The following YJU2B variants were observed in gnomAD, a reference collection of about 807,000 sequenced individuals.
The protein encoded by YJU2B is YJU2 splicing factor homolog B.
A neutral mutation model predicts 38.0 loss-of-function variants in YJU2B; 18 were observed. The observed-to-expected ratio is 0.47, with a 90% CI of 0.33 to 0.70. YJU2B has a LOEUF of 0.70. YJU2B is among the 30% of genes least tolerant of loss of function. The pLI is 0.02. For synonymous variants in YJU2B, 246 were observed against 225.4 expected (o/e 1.09, Z -0.82); for missense variants, 538 against 556.3 (o/e 0.97, Z 0.33).
intron 1 of YJU2B, among the ~76,000 whole-genome samples, chr19:13,748,666 C>A (rs912106421): frequency 6.6e-6 from 1 of 152,164 alleles, no homozygotes; most frequent in African/African-American, 2.4e-5. Context: ...GAAAGTCAGT[C>A]TTGTCGTCGT....
At chr19:13,762,525 C>A in intron 9 of YJU2B, 65 bp from the exon 10 acceptor site, 1 of 1,559,068 alleles carries the variant, frequency 6.4e-7, no homozygotes, top group South Asian at 1.2e-5. Context: ...GGACTCTGGT[C>A]TACCAGAGGG....
At chr19:13,748,317 ACT>A in intron 1 of YJU2B, among the ~76,000 whole-genome samples, 1 of 152,274 alleles carries the variant, frequency 6.6e-6, no homozygotes, top group East Asian at 1.9e-4. Context: ...CAAACGTTTA[ACT>A]CGGCGTCAGG....
chr19:13,738,040 T>C (rs1018731760), intron 2 of YJU2B, among the ~76,000 whole-genome samples: 6 of 152,162 alleles, frequency 3.9e-5, no homozygotes, highest in African/African-American at 9.7e-5. Context: ...CCAGTAGCCA[T>C]TGGGTTCTAG....
At chr19:13,741,020 A>T (rs188832478) in intron 2 of YJU2B, among the ~76,000 whole-genome samples, 134 of 152,218 alleles carry the variant, frequency 8.8e-4, no homozygotes, top group African/African-American at 3.1e-3. Context: ...AGGCCTCTAT[A>T]CTTTGGGGTA....
chr19:13,757,536 C>T (rs1488051559), intron 5 of YJU2B, 63 bp downstream of exon 5: 18 of 1,107,586 alleles, frequency 1.6e-5, no homozygotes, highest in South Asian at 5.0e-5. Context: ...TGCTGGATGC[C>T]GCCGGGGTGG....
chr19:13,756,186 T>G lies in YJU2B; in HGVS notation c.58-11T>G, dbSNP rs1973659726. On this transcript the variant is annotated splice_polypyrimidine_tract_variant and intron_variant, in intron 3 of 9. Coordinates refer to ENST00000221554, the MANE Select transcript of YJU2B (RefSeq NM_030818.4). ...AGCAGCACTAATCCGCTCCTCATCC[T>G]CTCCACACAGCATGGCTCTCTCAAC... 6.2e-7 allele frequency: 1 copy of G among 1,612,568 alleles called. No homozygotes were observed. Among genetic ancestry groups the G allele is most frequent in the East Asian group, 2.2e-5 (1 of 44,838 alleles).
In YJU2B at chr19:13,759,840, C is replaced by T. The variant is rs185604192; in HGVS notation, c.573+568C>T. ...GAGACTGAGTTTCACTCTTATTGCC[C>T]AGGCTGGAGTGCAATGGCATGATCT... On this transcript the variant is annotated intron_variant, in intron 8 of 9. Transcript: ENST00000221554. Among the ~76,000 whole-genome samples, 5 of 147,590 alleles carry T rather than the reference C, an allele frequency of 3.4e-5. No homozygotes were observed. In the East Asian group the frequency reaches 1.0e-3, roughly 30 times the overall value.
intron 2 of YJU2B, among the ~76,000 whole-genome samples, chr19:13,735,840 CAGG>C (rs1972929656): frequency 1.3e-5 from 2 of 151,822 alleles, no homozygotes; most frequent in South Asian, 4.1e-4. Flanking sequence ...ATCACGAGGT[CAGG>C]AGATCGAGGC....
intron 1 of YJU2B, among the ~76,000 whole-genome samples, chr19:13,748,698 G>A (rs147245820): frequency 6.6e-6 from 1 of 152,182 alleles, no homozygotes; most frequent in African/African-American, 2.4e-5. Context: ...TACCGGTGAC[G>A]AAATACAAGC....
chr19:13,758,984 C>T lies in YJU2B; in HGVS notation c.374C>T (p.Ala125Val), dbSNP rs150526063. The T allele has an allele frequency of 1.1e-5, 17 of 1,613,524 alleles. No homozygotes were observed. Among genetic ancestry groups the T allele is most frequent in the African/African-American group, 5.3e-5 (4 of 74,930 alleles). The change falls in exon 7 of 10, where the codon GCG (alanine) becomes GTG (valine). Residue 125 changes from alanine to valine, a missense_variant. Transcript: ENST00000221554. Reference protein sequence around the residue: ...AQRKEERWDMADNEQVLTTEH... With the variant: ...AQRKEERWDMVDNEQVLTTEH... ...CGCAAGGAGGAGCGCTGGGACATGG[C>T]GGACAATGAGCAGGTGCTGACCACA...
chr19:13,751,565 T>C (rs945184112), intron 1 of YJU2B, 43 bp from the exon 2 acceptor site: 15 of 552,356 alleles, frequency 2.7e-5, no homozygotes, highest in Non-Finnish European at 4.6e-5. Flanking sequence ...ATGTGATGCG[T>C]ATATTGGCTG....
At chr19:13,751,420 C>A (rs1973458475) in intron 1 of YJU2B, among the ~76,000 whole-genome samples, 188 bp from the exon 2 acceptor site, 3 of 152,108 alleles carry the variant, frequency 2.0e-5, no homozygotes, top group Admixed American at 6.6e-5. Flanking sequence ...TCTCAAAAAA[C>A]AAAAAGATCC....
upstream of YJU2B, among the ~76,000 whole-genome samples, chr19:13,747,444 C>T (rs887682303): frequency 6.6e-5 from 10 of 152,318 alleles, no homozygotes; most frequent in African/African-American, 2.2e-4. Context: ...CGAGACTAGC[C>T]GGGGCAACAT....
chr19:13,751,926 T>G, intron 2 of YJU2B, 115 bp downstream of exon 2: 4 of 1,050,396 alleles, frequency 3.8e-6, no homozygotes, highest in Non-Finnish European at 5.9e-6. Flanking sequence ...CTCCGGGTCA[T>G]CATCTTTTGG....
chr19:13,736,967 C>T (rs1044993504), intron 2 of YJU2B, among the ~76,000 whole-genome samples: 14 of 144,164 alleles, frequency 9.7e-5, no homozygotes, highest in African/African-American at 2.1e-4. Context: ...GCGGAGGTTG[C>T]GGTGAGCTGA....
upstream of YJU2B, among the ~76,000 whole-genome samples, chr19:13,747,565 G>A (rs1230160936): frequency 6.6e-6 from 1 of 152,224 alleles, no homozygotes; most frequent in Non-Finnish European, 1.5e-5. Context: ...CTGCCTCCCG[G>A]GTTCAAGCAA....
At chr19:13,760,132 GGCCAGGCT>G (rs1291204078) in intron 8 of YJU2B, among the ~76,000 whole-genome samples, 9 of 151,696 alleles carry the variant, frequency 5.9e-5, no homozygotes, top group Admixed American at 1.3e-4. Context: ...TCACCATGTT[GGCCAGGCT>G]GGTCTCGAAC....
chr19:13,738,708 G>C (rs545234258), intron 2 of YJU2B, among the ~76,000 whole-genome samples: 1 of 152,018 alleles, frequency 6.6e-6, no homozygotes. Flanking sequence ...TGGCTAACAC[G>C]GTGAAACCCC....
upstream of YJU2B, among the ~76,000 whole-genome samples, chr19:13,746,878 G>T (rs1403540016): frequency 1.3e-5 from 2 of 151,862 alleles, no homozygotes; most frequent in Non-Finnish European, 2.9e-5. Flanking sequence ...TTGAACTCCA[G>T]CCTGGACCAC....
Sources: allele counts gnomAD v4.1 joint callset (sites outside exome capture counted in the v4.1 genomes callset), GRCh38; gene constraint gnomAD v4.1.1; transcripts MANE v1.5; gene names NCBI Gene and HGNC (gene_info 2026-07-23, HGNC 2026-07-21).